Variants in FER1L5 observed in about 807,000 individuals in gnomAD.
The protein encoded by FER1L5 is fer-1 like family member 5, also known as fer-1-like protein 5.
Under a neutral mutation model 279.9 loss-of-function variants are expected in FER1L5, and 187 were observed. The ratio of observed to expected loss-of-function variants is 0.67; its 90% CI spans 0.59 to 0.75. FER1L5 has a LOEUF of 0.75. FER1L5 is among the 30% of genes least tolerant of loss of function. The pLI is 0.00. For missense variants in FER1L5, 2,091 were observed against 2,594.4 expected (o/e 0.81, Z 4.21); for synonymous variants, 921 against 989.7 (o/e 0.93, Z 1.30).
chr2:96,676,695 G>A (rs1356002822), intron 19 of FER1L5, among the ~76,000 whole-genome samples: 1 of 146,264 alleles, frequency 6.8e-6, no homozygotes, highest in African/African-American at 2.5e-5. Flanking sequence ...ATTATTTTTA[G>A]TGGTTGCTCA....
At chr2:96,654,657 TGG>T (rs778287698) in intron 9 of FER1L5, 161 bp downstream of exon 9, 288 of 368,610 alleles carry the variant, frequency 7.8e-4, no homozygotes, top group Non-Finnish European at 1.3e-3. Context: ...CCCAGCACTT[TGG>T]GAGGCCGAGG....
At chr2:96,685,643 C>T (rs763526281) in intron 21 of FER1L5, among the ~76,000 whole-genome samples, 5 of 152,204 alleles carry the variant, frequency 3.3e-5, no homozygotes, top group Non-Finnish European at 7.3e-5. Context: ...CTACCCCACA[C>T]CCACACCCGA....
At chr2:96,651,760 G>A in intron 6 of FER1L5, 132 bp from the exon 7 acceptor site, 2 of 1,300,936 alleles carry the variant, frequency 1.5e-6, no homozygotes, top group South Asian at 1.4e-5. Context: ...TCCCACCTCG[G>A]CCTCCCAAAG....
rs74804930 is a variant in FER1L5 at position 96,671,944 on chromosome 2, G to C, written c.1492-1133G>C. Among the ~76,000 whole-genome samples, 34 of 152,294 alleles carry C rather than the reference G, an allele frequency of 2.2e-4. 2 individuals carry two copies. In the East Asian group the frequency reaches 6.4e-3, roughly 28 times the overall value. The stretch of plus-strand genomic sequence containing the variant: ...AGATGGGAGGGAGAGGTAGGAGCCA[G>C]TGCACAGAGACAAACCTTCTAAGAA... On this transcript the variant is annotated intron_variant, in intron 18 of 52. Coordinates refer to ENST00000624922, the MANE Select transcript of FER1L5 (RefSeq NM_001293083.2).
chr2:96,666,444 C>G (rs994981355), intron 14 of FER1L5, among the ~76,000 whole-genome samples: 1 of 151,718 alleles, frequency 6.6e-6, no homozygotes, highest in Admixed American at 6.6e-5. Flanking sequence ...CTGGAAAGCC[C>G]TTTCCTCTTC....
intron 9 of FER1L5, among the ~76,000 whole-genome samples, chr2:96,658,547 C>T (rs935312067): frequency 2.0e-5 from 3 of 151,334 alleles, no homozygotes; most frequent in Admixed American, 1.3e-4. Flanking sequence ...CCACTGCACC[C>T]GGACGTGTAT....
intron 22 of FER1L5, 32 bp from the exon 23 acceptor site, chr2:96,686,161 CCG>C: frequency 6.5e-7 from 1 of 1,546,524 alleles, no homozygotes. Flanking sequence ...TGGGAGCCAG[CCG>C]CGCAGGGCCT....
In FER1L5 at chr2:96,697,659, G is replaced by A; in HGVS notation, c.4135-1G>A. 1 of 1,614,058 alleles carries A rather than the reference G, an allele frequency of 6.2e-7. No homozygotes were observed. The highest frequency in any genetic ancestry group is 1.1e-5 in the South Asian group (1 of 91,090). On this transcript the variant is annotated splice_acceptor_variant, in intron 38 of 52. Coordinates refer to ENST00000624922, the MANE Select transcript of FER1L5 (RefSeq NM_001293083.2). LOFTEE classifies it high-confidence loss of function. The stretch of plus-strand genomic sequence containing the variant: ...GCCAGAATGATCCTCTTCTCTGCCA[G>A]GATGAGTATGAGCATGAGGTGGACT...
intron 24 of FER1L5, among the ~76,000 whole-genome samples, chr2:96,688,474 G>A (rs1475899521): frequency 6.6e-6 from 1 of 152,184 alleles, no homozygotes; most frequent in African/African-American, 2.4e-5. Flanking sequence ...GTGGGCGGGC[G>A]GTGGCCAGGG....
At chr2:96,670,075 T>C (rs1330965819) in intron 17 of FER1L5, 44 bp from the exon 18 acceptor site, 1 of 1,550,046 alleles carries the variant, frequency 6.5e-7, no homozygotes, top group East Asian at 2.4e-5. Context: ...GGCCTGTTCT[T>C]TTTCTCTCAC....
At position 96,700,152 on chromosome 2, in the gene FER1L5, G is replaced by A. The variant is rs367992468; in HGVS notation, c.4930+72G>A. ...GAAGCTGTGAGGCTCCAGAATGGAA[G>A]AGCTGCAGACTTGGGGGAGAAAGGG... is the stretch of plus-strand genomic sequence containing the variant. On this transcript the variant is annotated intron_variant, in intron 44 of 52. Coordinates refer to ENST00000624922, the MANE Select transcript of FER1L5 (RefSeq NM_001293083.2). 470 of 1,592,944 alleles carry A rather than the reference G, an allele frequency of 3.0e-4. 2 individuals carry two copies. In the African/African-American group the frequency reaches 5.4e-3, roughly 18 times the overall value.
intron 7 of FER1L5, chr2:96,652,962 T>G (rs970288168): frequency 6.6e-6 from 1 of 152,408 alleles, no homozygotes; most frequent in African/African-American, 2.4e-5. Flanking sequence ...TGCCTGTAAT[T>G]CCAGAACTTT....
intron 1 of FER1L5, among the ~76,000 whole-genome samples, chr2:96,644,197 G>A (rs1438081043): frequency 1.3e-5 from 2 of 149,402 alleles, no homozygotes; most frequent in East Asian, 1.9e-4. Flanking sequence ...AAAAGAAAGA[G>A]GCTGGGCATG....
chr2:96,668,774 C>G lies in FER1L5; in HGVS notation c.1164C>G (p.Ile388Met), dbSNP rs1182763848. Residue 388 changes from isoleucine (I) to methionine (M), a missense_variant, in exon 15 of 53, where the codon ATC becomes ATG. Ile to Met is a conservative substitution (Grantham distance 10). Coordinates refer to ENST00000624922, the MANE Select transcript of FER1L5 (RefSeq NM_001293083.2). ...RIQLPCLSSY[I>M]KFRVLDCRKK... ...AGCTACCCTGCCTCTCCAGCTACAT[C>G]AAGTTCAGAGTCTTGGACTGGTGAG... is the stretch of plus-strand genomic sequence containing the variant. The G allele has an allele frequency of 6.4e-7, 1 of 1,551,710 alleles. No individual in the cohort carries two copies. Among genetic ancestry groups the G allele is most frequent in the African/African-American group, 1.4e-5 (1 of 73,162 alleles).
At chr2:96,692,824 C>G (rs942376733) in intron 31 of FER1L5, among the ~76,000 whole-genome samples, 4 of 152,068 alleles carry the variant, frequency 2.6e-5, no homozygotes, top group Non-Finnish European at 4.4e-5. Context: ...GCTTCACCAC[C>G]CACATCGAGA....
rs1433914776 is a variant in FER1L5 at position 96,684,404 on chromosome 2, T to G, written c.1747T>G (p.Phe583Val). The change falls in exon 20 of 53, where the codon TTC becomes GTC. Residue 583 changes from phenylalanine (F) to valine (V), a missense_variant. Physicochemically the swap from Phe to Val is conservative, Grantham distance 50 (BLOSUM62 -1). Transcript: ENST00000624922. ...GACCTCCAACTGGGAGGACGTCAGC[T>G]TCCGCATGAACTGCCTCAACCTCCT... ...AVTSNWEDVS[F>V]RMNCLNLLHF... The G allele has an allele frequency of 1.3e-6, 2 of 1,551,624 alleles. No homozygotes were observed. The highest frequency in any genetic ancestry group is 1.7e-6 in the Non-Finnish European group (2 of 1,146,978).
chr2:96,662,252 A>T lies in FER1L5; in HGVS notation c.1056A>T (p.Glu352Asp). 1 of 1,551,578 alleles carries T rather than the reference A, an allele frequency of 6.4e-7. No homozygotes were observed. ...CAGTGAATCCTCAGTTGGAGGTGGAACTAATTGGGGAAAAGGTAAGTGTAG... is the reference window on the plus strand; with the variant it reads ...CAGTGAATCCTCAGTTGGAGGTGGATCTAATTGGGGAAAAGGTAAGTGTAG... The part of the protein sequence containing the change: ...HQSVNPQLEV[E>D]LIGEKLRTHM... Residue 352 changes from glutamate to aspartate, a missense_variant, in exon 13 of 53, where the codon GAA (glutamate) becomes GAT (aspartate). Coordinates refer to ENST00000624922, the MANE Select transcript of FER1L5 (RefSeq NM_001293083.2).
intron 9 of FER1L5, among the ~76,000 whole-genome samples, chr2:96,659,342 C>CTTCCTTCCTTCT (rs2075764803): frequency 1.2e-5 from 1 of 80,894 alleles, no homozygotes; most frequent in Non-Finnish European, 2.3e-5. Flanking sequence ...TCCTTCCTTC[C>CTTCCTTCCTTCT]TTCCTTCCTT....
At position 96,698,818 on chromosome 2, in the gene FER1L5, G is replaced by A. The variant is rs1464380489; in HGVS notation, c.4504G>A (p.Asp1502Asn). The stretch of plus-strand genomic sequence containing the variant: ...ACGAGCCATCAACCTGCAGCCCCAG[G>A]ACTACAATGGCCTGGTAAAGAACAG... ...MVRAINLQPQ[D>N]YNGLCDPYVI... Residue 1502 changes from aspartate (D) to asparagine (N), a missense_variant, in exon 41 of 53, where the codon GAC (aspartate) becomes AAC (asparagine). Coordinates refer to ENST00000624922, the MANE Select transcript of FER1L5 (RefSeq NM_001293083.2). This position sits in a 1 kb window ranked among gnomAD's most constrained non-coding sequence, Gnocchi z 5.5. 1.3e-6 allele frequency: 2 copies of A among 1,562,418 alleles called. No homozygotes were observed. The highest frequency in any genetic ancestry group is 2.4e-5 in the East Asian group (1 of 41,426).
Sources: gnomAD v4.1 joint callset for allele counts (sites outside exome capture counted in the v4.1 genomes callset) on GRCh38, gnomAD v4.1.1 for gene constraint, Gnocchi (gnomAD v3.1) non-coding constraint, MANE v1.5 for transcripts, NCBI Gene and HGNC (gene_info 2026-07-23, HGNC 2026-07-21) for gene names.